Variants in SOX5 observed in about 807,000 individuals in gnomAD.
The protein encoded by SOX5 is SRY-box transcription factor 5, also known as transcription factor SOX-5.
SOX5 carries 9 observed loss-of-function variants against 92.0 expected under a neutral mutation model. The observed-to-expected ratio is 0.10, with a 90% CI of 0.06 to 0.17. The LOEUF is 0.17. SOX5 is among the 10% of genes least tolerant of loss of function. The probability of loss-of-function intolerance (pLI) is 1.00; values close to 1 mark genes in which losing one functional copy is unlikely to be tolerated. For missense variants in SOX5, 642 were observed against 944.5 expected (o/e 0.68, Z 4.20); for synonymous variants, 344 against 336.3 (o/e 1.02, Z -0.25).
At chr12:23,853,533 T>C (rs893371060) in intron 2 of SOX5, among the ~76,000 whole-genome samples, 1 of 149,118 alleles carries the variant, frequency 6.7e-6, no homozygotes, top group African/African-American at 2.5e-5. Flanking sequence ...TGGGCAAAAG[T>C]GTCTAACGTG....
At chr12:24,469,916 G>A (rs1462334166) in intron 1 of SOX5, among the ~76,000 whole-genome samples, 2 of 152,140 alleles carry the variant, frequency 1.3e-5, no homozygotes, top group African/African-American at 4.8e-5. Flanking sequence ...GCTGGAAGCG[G>A]TAAGCAAATA....
chr12:23,779,872 C>T (rs1321878390), intron 3 of SOX5, among the ~76,000 whole-genome samples: 8 of 143,850 alleles, frequency 5.6e-5, no homozygotes, highest in Non-Finnish European at 1.2e-4. Flanking sequence ...TATGTGCATA[C>T]ATGACTAATA....
intron 6 of SOX5, among the ~76,000 whole-genome samples, chr12:23,670,879 T>C (rs1490901973): frequency 1.3e-5 from 2 of 152,140 alleles, no homozygotes; most frequent in Admixed American, 1.3e-4. Flanking sequence ...TGTAATATTA[T>C]CAGATCTCCC....
intron 3 of SOX5, among the ~76,000 whole-genome samples, chr12:23,837,186 T>C (rs989729045): frequency 7.3e-6 from 1 of 137,298 alleles, no homozygotes; most frequent in Non-Finnish European, 1.5e-5. Flanking sequence ...TCTCCATATA[T>C]ACATGTGTAT....
At chr12:24,154,239 C>T (rs1244667485) in intron 4 of SOX5, among the ~76,000 whole-genome samples, 3 of 152,100 alleles carry the variant, frequency 2.0e-5, no homozygotes, top group Non-Finnish European at 4.4e-5. Context: ...CCAATGGAAA[C>T]ATCTGTTATT....
chr12:24,399,799 C>T (rs1410098567), intron 1 of SOX5, among the ~76,000 whole-genome samples: 2 of 152,230 alleles, frequency 1.3e-5, no homozygotes, highest in South Asian at 2.1e-4. Flanking sequence ...CTTGTGCTCC[C>T]AGCAACATAC....
At chr12:23,739,907 T>C (rs1210202378) in intron 5 of SOX5, among the ~76,000 whole-genome samples, 2 of 152,236 alleles carry the variant, frequency 1.3e-5, no homozygotes, top group Non-Finnish European at 2.9e-5. Flanking sequence ...ATAATATCAT[T>C]TTGTTATCTG....
intron 1 of SOX5, among the ~76,000 whole-genome samples, chr12:24,470,930 T>C (rs1395973425): frequency 6.6e-6 from 1 of 152,212 alleles, no homozygotes; most frequent in Admixed American, 6.5e-5. Context: ...ACCGTAAATA[T>C]TTAATAAATG....
intron 1 of SOX5, among the ~76,000 whole-genome samples, chr12:24,508,174 TAC>T (rs1017204950): frequency 2.6e-5 from 4 of 152,146 alleles, no homozygotes; most frequent in African/African-American, 9.7e-5. Context: ...GGGTTAGATT[TAC>T]ACATGCGTCT....
chr12:23,641,118 C>G (rs1481709789), intron 7 of SOX5, among the ~76,000 whole-genome samples: 1 of 152,068 alleles, frequency 6.6e-6, no homozygotes, highest in Non-Finnish European at 1.5e-5. Context: ...AAACCTCATC[C>G]TTTTTTCATG....
chr12:24,473,540 T>C lies in SOX5; in HGVS notation c.-251+88789A>G, dbSNP rs1181267558. Among the ~76,000 whole-genome samples, 4 of 152,352 alleles carry C rather than the reference T, an allele frequency of 2.6e-5. No individual in the cohort carries two copies. The East Asian group carries it at 5.8e-4, about 22-fold the overall frequency. ...CATTTGTGAAACTTCACTATTTAAATTTAAATATTTGAATCTGTTGTCTTC... is the reference window on the plus strand; with the variant it reads ...CATTTGTGAAACTTCACTATTTAAACTTAAATATTTGAATCTGTTGTCTTC... On this transcript the variant is annotated intron_variant, in intron 1 of 4. Coordinates refer to the SOX5 transcript ENST00000446891.
intron 2 of SOX5, among the ~76,000 whole-genome samples, chr12:24,292,663 T>A (rs7315635): frequency 6.6e-6 from 1 of 152,224 alleles, no homozygotes; most frequent in Non-Finnish European, 1.5e-5. Context: ...ACACAGTTGA[T>A]AGAATTTTGT....
intron 1 of SOX5, among the ~76,000 whole-genome samples, chr12:24,490,366 G>A (rs1011365156): frequency 5.9e-5 from 9 of 152,172 alleles, no homozygotes; most frequent in South Asian, 4.2e-4. Flanking sequence ...GAACAGTCAG[G>A]GGTAAAAAAG....
intron 6 of SOX5, among the ~76,000 whole-genome samples, chr12:23,730,925 G>T (rs1272536118): frequency 6.6e-6 from 1 of 152,196 alleles, no homozygotes; most frequent in East Asian, 1.9e-4. Flanking sequence ...TTATGCCGGG[G>T]TGTGTTGTGA....
intron 6 of SOX5, among the ~76,000 whole-genome samples, chr12:23,701,272 G>C (rs2090591930): frequency 6.6e-6 from 1 of 151,890 alleles, no homozygotes; most frequent in Non-Finnish European, 1.5e-5. Context: ...ACCACATTTT[G>C]TTATCTCCAA....
chr12:23,647,319 T>A (rs1248278666), intron 7 of SOX5, among the ~76,000 whole-genome samples: 1 of 152,236 alleles, frequency 6.6e-6, no homozygotes, highest in Non-Finnish European at 1.5e-5. Context: ...TGTCAATAGA[T>A]GTGCTGTCAT....
chr12:24,535,815 A>G (rs1216802781), intron 1 of SOX5, among the ~76,000 whole-genome samples: 1 of 152,112 alleles, frequency 6.6e-6, no homozygotes, highest in Non-Finnish European at 1.5e-5. Context: ...CCATAAAGCT[A>G]TTCTGCCTCT....
chr12:23,581,586 T>C (rs1390846013), intron 9 of SOX5, among the ~76,000 whole-genome samples: 3 of 152,146 alleles, frequency 2.0e-5, no homozygotes, highest in African/African-American at 4.8e-5. Flanking sequence ...CAATCATCCA[T>C]ACATTCATCC....
At position 24,390,217 on chromosome 12, in the gene SOX5, C is replaced by G. The variant is rs78526516; in HGVS notation, c.-250-21578G>C. On this transcript the variant is annotated intron_variant, in intron 1 of 4. Coordinates refer to the SOX5 transcript ENST00000446891. ...AAGGTCCTTCCAATTATTTTACACACGTAACATTATGTGAATTGACCAGGA... is the reference window on the plus strand; with the variant it reads ...AAGGTCCTTCCAATTATTTTACACAGGTAACATTATGTGAATTGACCAGGA... 5.3e-5 allele frequency among the ~76,000 whole-genome samples: 8 copies of G among 152,074 alleles called. No individual in the cohort carries two copies. The South Asian group carries it at 1.7e-3, about 31-fold the overall frequency.
Sources: gnomAD v4.1 joint callset for allele counts (sites outside exome capture counted in the v4.1 genomes callset) on GRCh38, gnomAD v4.1.1 for gene constraint, MANE v1.5 for transcripts, NCBI Gene and HGNC (gene_info 2026-07-23, HGNC 2026-07-21) for gene names.